Variants in VAMP7 observed in about 807,000 individuals in gnomAD.
The protein encoded by VAMP7 is vesicle-associated membrane protein 7.
In VAMP7, 14 loss-of-function variants were observed where a neutral mutation model predicts 29.6. The observed-to-expected ratio is 0.47, with a 90% CI of 0.31 to 0.74. The LOEUF (loss-of-function observed/expected upper bound fraction) is 0.74, where lower values mean the gene tolerates loss of function less well. VAMP7 is among the 30% of genes least tolerant of loss of function. VAMP7 has a pLI of 0.05. For synonymous variants in VAMP7, 95 were observed against 88.1 expected (o/e 1.08, Z -0.44); for missense variants, 223 against 262.4 (o/e 0.85, Z 1.04).
chrX:155,936,656 C>T (rs902074367), intron 6 of VAMP7, among the ~76,000 whole-genome samples: 4 of 152,154 alleles, frequency 2.6e-5, no homozygotes, highest in Non-Finnish European at 4.4e-5. Context: ...CCGGGTGAGG[C>T]GATGTCTCGC....
intron 1 of VAMP7, among the ~76,000 whole-genome samples, chrX:155,884,666 G>A (rs1164461979): frequency 6.6e-6 from 1 of 152,220 alleles, no homozygotes; most frequent in Non-Finnish European, 1.5e-5. Context: ...AGGAATGCAA[G>A]TGCAGCACTG....
chrX:155,937,102 G>GA (rs913511934), intron 6 of VAMP7, among the ~76,000 whole-genome samples: 5 of 150,596 alleles, frequency 3.3e-5, no homozygotes, highest in South Asian at 2.1e-4. Context: ...TCACAGAATA[G>GA]AAAAAAAAAT....
chrX:155,889,394 A>G, intron 1 of VAMP7, 64 bp from the exon 2 acceptor site: 1 of 1,568,196 alleles, frequency 6.4e-7, no homozygotes, highest in Non-Finnish European at 8.7e-7. Context: ...AAATGATAGT[A>G]AGTTACCTTT....
intron 5 of VAMP7, among the ~76,000 whole-genome samples, chrX:155,901,588 A>T (rs2066063259): frequency 6.6e-6 from 1 of 152,248 alleles, no homozygotes; most frequent in Admixed American, 6.5e-5. Context: ...CTTTCTACAT[A>T]TGGCTAGCCA....
At chrX:155,890,631 G>A (rs2065915926) in intron 2 of VAMP7, among the ~76,000 whole-genome samples, 2 of 152,170 alleles carry the variant, frequency 1.3e-5, no homozygotes, top group South Asian at 4.1e-4. Flanking sequence ...AAAGCGTTGG[G>A]ATTACAGGCG....
chrX:155,907,353 G>A (rs2066161333), intron 5 of VAMP7, among the ~76,000 whole-genome samples: 1 of 152,012 alleles, frequency 6.6e-6, no homozygotes, highest in Non-Finnish European at 1.5e-5. Flanking sequence ...GGACAATAGT[G>A]GAGGGAAGAT....
intron 1 of VAMP7, among the ~76,000 whole-genome samples, chrX:155,886,788 T>G (rs2124221596): frequency 6.6e-6 from 1 of 152,344 alleles, no homozygotes; most frequent in African/African-American, 2.4e-5. Flanking sequence ...ACCCTATTTC[T>G]TAATGTACTT....
chrX:155,932,296 G>A lies in VAMP7; in HGVS notation c.502-7405G>A, dbSNP rs765883921. Among the ~76,000 whole-genome samples, 24 of 152,194 alleles carry A rather than the reference G, an allele frequency of 1.6e-4. No individual in the cohort carries two copies. The South Asian group carries it at 4.6e-3, about 29-fold the overall frequency. On this transcript the variant is annotated intron_variant, in intron 6 of 7. Coordinates refer to ENST00000286448, the MANE Select transcript of VAMP7 (RefSeq NM_005638.6). ...GGCATTGAATCTATAAATTACCTTG[G>A]GCAGTATGGCCATTTTCATGATATT...
At chrX:155,899,585 G>A (rs1430292579) in intron 4 of VAMP7, among the ~76,000 whole-genome samples, 1 of 151,718 alleles carries the variant, frequency 6.6e-6, no homozygotes, top group African/African-American at 2.4e-5. Flanking sequence ...TGGCAATAAA[G>A]TCCCTTTAAA....
intron 4 of VAMP7, 26 bp from the exon 5 acceptor site, chrX:155,900,471 A>G (rs1336736438): frequency 1.9e-6 from 3 of 1,562,774 alleles, no homozygotes; most frequent in African/African-American, 1.4e-5. Flanking sequence ...TCTAGGTACC[A>G]TAAGTTAAAA....
intron 5 of VAMP7, among the ~76,000 whole-genome samples, chrX:155,903,054 A>T (rs1438182098): frequency 1.3e-5 from 2 of 151,726 alleles, no homozygotes; most frequent in African/African-American, 4.8e-5. Flanking sequence ...AGAGCCTGTT[A>T]TTGGTCTATT....
intron 3 of VAMP7, 92 bp downstream of exon 3, chrX:155,895,772 A>G: frequency 1.8e-6 from 2 of 1,093,110 alleles, no homozygotes; most frequent in Non-Finnish European, 2.8e-6. Context: ...CCCAACCCCC[A>G]GGCTGCAGAC....
chrX:155,898,575 C>T (rs2066018188), intron 4 of VAMP7, among the ~76,000 whole-genome samples: 1 of 152,002 alleles, frequency 6.6e-6, no homozygotes, highest in Non-Finnish European at 1.5e-5. Context: ...CGTAAACCTT[C>T]TACCCTTCCA....
intron 5 of VAMP7, among the ~76,000 whole-genome samples, chrX:155,904,385 TA>T (rs2066117951): frequency 6.8e-6 from 1 of 146,282 alleles, no homozygotes; most frequent in African/African-American, 2.5e-5. Context: ...AAAGCAAATT[TA>T]AAATGTGACA....
intron 6 of VAMP7, among the ~76,000 whole-genome samples, chrX:155,924,177 G>C (rs1569447645): frequency 6.6e-6 from 1 of 151,894 alleles, no homozygotes; most frequent in African/African-American, 2.4e-5. Flanking sequence ...ATCTCTATTT[G>C]TTTTTTAACA....
intron 6 of VAMP7, among the ~76,000 whole-genome samples, chrX:155,937,388 A>G (rs979037747): frequency 2.6e-5 from 4 of 152,222 alleles, no homozygotes; most frequent in African/African-American, 9.6e-5. Context: ...TATTTGAAAT[A>G]TGCTATAAGA....
chrX:155,910,296 T>C (rs2066217936), intron 5 of VAMP7, among the ~76,000 whole-genome samples: 1 of 152,206 alleles, frequency 6.6e-6, no homozygotes, highest in Admixed American at 6.5e-5. Flanking sequence ...TCATTCTATT[T>C]CATGGTCAAA....
intron 1 of VAMP7, among the ~76,000 whole-genome samples, chrX:155,885,747 T>A (rs1488848956): frequency 6.6e-6 from 1 of 152,084 alleles, no homozygotes; most frequent in African/African-American, 2.4e-5. Flanking sequence ...GTGCTGCACC[T>A]CCAAGCCAAG....
chrX:155,889,271 G>T (rs1382411384), intron 1 of VAMP7, among the ~76,000 whole-genome samples, 187 bp from the exon 2 acceptor site: 1 of 152,130 alleles, frequency 6.6e-6, no homozygotes, highest in African/African-American at 2.4e-5. Flanking sequence ...GCATGGCTTA[G>T]GTTGTAAGTT....
Sources: gnomAD v4.1 joint callset for allele counts (sites outside exome capture counted in the v4.1 genomes callset) on GRCh38, gnomAD v4.1.1 for gene constraint, MANE v1.5 for transcripts, NCBI Gene and HGNC (gene_info 2026-07-23, HGNC 2026-07-21) for gene names.